Variants in HEYL observed in about 807,000 individuals in gnomAD.
HEYL encodes the protein hes related family bHLH transcription factor with YRPW motif like.
A neutral mutation model predicts 18.6 loss-of-function variants in HEYL; 12 were observed. That is an observed-to-expected ratio of 0.65 (90% CI 0.41 to 1.05). The LOEUF is 1.05. Among genes scored for constraint, HEYL ranks in the 50% least tolerant of loss-of-function variants. HEYL has a pLI of 0.00. For missense variants in HEYL, 420 were observed against 444.7 expected, an observed-to-expected ratio of 0.94 and a Z score of 0.50; for synonymous variants, 159 against 179.6, an observed-to-expected ratio of 0.89 and a Z score of 0.91.
At position 39,625,779 on chromosome 1, in the gene HEYL, A is replaced by G. The variant is rs908161200; in HGVS notation, c.*728T>C. 1.3e-5 allele frequency: 2 copies of G among 152,480 alleles called. No homozygotes were observed. Among genetic ancestry groups the G allele is most frequent in the African/African-American group, 4.8e-5 (2 of 41,478 alleles). The allele number at this position is 152,480 out of a possible 1,614,324, so 9.4% of individuals were successfully genotyped here. On this transcript the variant is annotated 3_prime_UTR_variant, in exon 5 of 5. Transcript: ENST00000372852. ...CTGTCACAGAGTTTTGCTGCTGCCT[A>G]GAAACCTCCCAGCTGGGTTTACCAG...
chr1:39,637,526 A>C (rs1646367308), intron 1 of HEYL, among the ~76,000 whole-genome samples: 1 of 152,182 alleles, frequency 6.6e-6, no homozygotes, highest in Non-Finnish European at 1.5e-5. Flanking sequence ...GGGCCACAGC[A>C]GGCATCGTTC....
intron 1 of HEYL, chr1:39,633,092 G>C: frequency 1.0e-6 from 1 of 983,640 alleles, no homozygotes; most frequent in Non-Finnish European, 1.2e-6. Context: ...GTTTCAGAGG[G>C]AGCCGCTGGG....
In HEYL at chr1:39,630,304, G is replaced by A; in HGVS notation, c.236C>T (p.Ser79Phe). 6.2e-7 allele frequency: 1 copy of A among 1,613,854 alleles called. No individual in the cohort carries two copies. Residue 79 changes from serine to phenylalanine, a missense_variant, in exon 4 of 5, where the codon TCT becomes TTT. Transcript: ENST00000372852. ...GACCTCGGCTTTCTCCAGCTTGGAAGAGCCCTGCGGGTACAGAAGACAGAA... is the reference window on the plus strand; with the variant it reads ...GACCTCGGCTTTCTCCAGCTTGGAAAAGCCCTGCGGGTACAGAAGACAGAA... Reference protein sequence around the residue: ...LVPTAFEKQGSSKLEKAEVLQ... With the variant: ...LVPTAFEKQGFSKLEKAEVLQ...
In HEYL at chr1:39,631,389, C is replaced by T; in HGVS notation, c.231+107G>A. Reference sequence around the variant, plus strand: ...AGTGACAGATATTGGTAAATGATCACAGCATCTCAGGCAGCTGCTACCAAT... The same window carrying T: ...AGTGACAGATATTGGTAAATGATCATAGCATCTCAGGCAGCTGCTACCAAT... On this transcript the variant is annotated intron_variant, in intron 3 of 4. Transcript: ENST00000372852. 6 of 885,330 alleles carry T rather than the reference C, an allele frequency of 6.8e-6. No individual in the cohort carries two copies. The South Asian group carries it at 7.0e-5, about 10-fold the overall frequency. 54.8% of individuals were successfully genotyped at this position (885,330 alleles called of 1,614,324 possible). A position where few individuals can be genotyped will look rare whatever the true frequency, so the allele number is the denominator to read the frequency against.
rs1557736017 is a variant in HEYL at position 39,626,459 on chromosome 1, G to A, written c.*48C>T. The A allele has an allele frequency of 1.2e-5, 17 of 1,436,328 alleles. 1 individual carries two copies. In the South Asian group the frequency reaches 2.2e-4, roughly 19 times the overall value. 89.0% of individuals were successfully genotyped at this position (1,436,328 alleles called of 1,614,324 possible). On this transcript the variant is annotated 3_prime_UTR_variant, in exon 5 of 5. Coordinates refer to ENST00000372852, the MANE Select transcript of HEYL (RefSeq NM_014571.4). ...GGCAGTGCCCTTTTTTGGGCTCCTG[G>A]TAAAAGAACCTTCCTTATTCCTTGG... is the stretch of plus-strand genomic sequence containing the variant.
At chr1:39,632,748 G>C (rs1233690648) in intron 1 of HEYL, 33 bp from the exon 2 acceptor site, 1 of 1,612,556 alleles carries the variant, frequency 6.2e-7, no homozygotes, top group Admixed American at 1.7e-5. Flanking sequence ...ATTTTTCAGG[G>C]CTGGGGGACA....
chr1:39,630,879 T>C (rs1646329532), intron 3 of HEYL, among the ~76,000 whole-genome samples: 1 of 152,244 alleles, frequency 6.6e-6, no homozygotes, highest in Admixed American at 6.5e-5. Context: ...TGAGGGCAGA[T>C]ACTAGGTCTA....
At chr1:39,627,828 C>A (rs1007286383) in intron 4 of HEYL, among the ~76,000 whole-genome samples, 1 of 152,204 alleles carries the variant, frequency 6.6e-6, no homozygotes, top group Non-Finnish European at 1.5e-5. Context: ...AAATAGTGCA[C>A]AGAAAATGCT....
intron 1 of HEYL, 112 bp downstream of exon 1, chr1:39,639,434 G>T: frequency 1.2e-6 from 1 of 805,978 alleles, no homozygotes; most frequent in Non-Finnish European, 1.9e-6. Flanking sequence ...GCGCTCACCT[G>T]CCTCTGCCCA....
intron 2 of HEYL, 51 bp from the exon 3 acceptor site, chr1:39,631,630 A>C: frequency 6.7e-7 from 1 of 1,487,102 alleles, no homozygotes; most frequent in East Asian, 2.3e-5. Flanking sequence ...CACAGTTTCC[A>C]AAGTGCCTTG....
At chr1:39,632,168 G>C (rs543920931) in intron 2 of HEYL, among the ~76,000 whole-genome samples, 1 of 152,310 alleles carries the variant, frequency 6.6e-6, no homozygotes, top group South Asian at 2.1e-4. Flanking sequence ...CAGACCCCAG[G>C]TGTCTGGACT....
rs1646282193 is a variant in HEYL at position 39,624,089 on chromosome 1, G to C, written c.*2418C>G. On this transcript the variant is annotated 3_prime_UTR_variant, in exon 5 of 5. Transcript: ENST00000372852. ...GAGGTGATGTGGCCTGGCCAGGATG[G>C]CTGTGGGTGCAGACAGAAGTGGATG... is the stretch of plus-strand genomic sequence containing the variant. 1 of 152,266 alleles carries C rather than the reference G, an allele frequency of 6.6e-6. No individual in the cohort carries two copies. 9.4% of individuals were successfully genotyped at this position (152,266 alleles called of 1,614,324 possible). A position where few individuals can be genotyped will look rare whatever the true frequency, so the allele number is the denominator to read the frequency against.
chr1:39,632,901 T>C (rs1377140654), intron 1 of HEYL, 186 bp from the exon 2 acceptor site: 4 of 985,246 alleles, frequency 4.1e-6, no homozygotes, highest in Non-Finnish European at 3.6e-6. Context: ...CTTTGGGCTC[T>C]TGGTCCGGAC....
chr1:39,628,141 G>T (rs1287045115), intron 4 of HEYL, among the ~76,000 whole-genome samples: 1 of 152,190 alleles, frequency 6.6e-6, no homozygotes, highest in East Asian at 1.9e-4. Flanking sequence ...TTGGTTCATG[G>T]CCCCCACAGA....
chr1:39,631,738 A>G (rs1449727948), intron 2 of HEYL, among the ~76,000 whole-genome samples, 159 bp from the exon 3 acceptor site: 1 of 152,234 alleles, frequency 6.6e-6, no homozygotes, highest in Non-Finnish European at 1.5e-5. Context: ...AGAGAAGGAC[A>G]GTGATTTGCT....
intron 4 of HEYL, 145 bp from the exon 5 acceptor site, chr1:39,627,325 TC>T: frequency 2.9e-6 from 2 of 686,940 alleles, no homozygotes; most frequent in South Asian, 2.0e-5. Context: ...TGAGCCTGTC[TC>T]CCCATCTGCA....
rs766546094 is a variant in HEYL at position 39,626,826 on chromosome 1, C to T, written c.668G>A (p.Arg223His). Reference protein sequence around the residue: ...PIPALRTAPLRRATGIILPAR... With the variant: ...PIPALRTAPLHRATGIILPAR... The stretch of plus-strand genomic sequence containing the variant: ...TGGCAGGATGATGCCTGTGGCTCTG[C>T]GAAGGGGAGCGGTTCGGAGGGCTGG... The change falls in exon 5 of 5, where the codon CGC becomes CAC. Residue 223 changes from arginine (R) to histidine (H), a missense_variant. By Grantham distance (29) the Arg-to-His change is conservative. Coordinates refer to ENST00000372852, the MANE Select transcript of HEYL (RefSeq NM_014571.4). 5 of 1,568,168 alleles carry T rather than the reference C, an allele frequency of 3.2e-6. No individual in the cohort carries two copies. Among genetic ancestry groups the T allele is most frequent in the African/African-American group, 2.7e-5 (2 of 73,960 alleles).
At chr1:39,631,095 C>G (rs572702375) in intron 3 of HEYL, among the ~76,000 whole-genome samples, 1 of 152,340 alleles carries the variant, frequency 6.6e-6, no homozygotes, top group Non-Finnish European at 1.5e-5. Flanking sequence ...CCCTGAGCAG[C>G]CTTTTCCACT....
rs1349252709 is a variant in HEYL at position 39,639,606 on chromosome 1, G to A, written c.20C>T (p.Pro7Leu). 7 of 1,572,662 alleles carry A rather than the reference G, an allele frequency of 4.5e-6. 1 individual carries two copies. The South Asian group carries it at 8.1e-5, about 18-fold the overall frequency. Residue 7 changes from proline to leucine, a missense_variant, in exon 1 of 5, where the codon CCG becomes CTG. Pro to Leu is a moderately conservative substitution (Grantham distance 98). Transcript: ENST00000372852. Reference sequence around the variant, plus strand: ...GTCGGACTCCCCGTCGGAGCCGCTCGGCTCCTTGGGTCGCTTCATGGCGAA... The same window carrying A: ...GTCGGACTCCCCGTCGGAGCCGCTCAGCTCCTTGGGTCGCTTCATGGCGAA... MKRPKE[P>L]SGSDGESDGP...
Sources: allele counts gnomAD v4.1 joint callset (sites outside exome capture counted in the v4.1 genomes callset), GRCh38; gene constraint gnomAD v4.1.1; transcripts MANE v1.5; gene names NCBI Gene and HGNC (gene_info 2026-07-23, HGNC 2026-07-21).